Variants in CEP85L observed in about 807,000 individuals in gnomAD.
CEP85L encodes the protein centrosomal protein 85L.
CEP85L carries 60 observed loss-of-function variants against 100.3 expected under a neutral mutation model. The ratio of observed to expected loss-of-function variants is 0.60; its 90% CI spans 0.49 to 0.74. The LOEUF (loss-of-function observed/expected upper bound fraction) is 0.74, where lower values mean the gene tolerates loss of function less well. Among genes scored for constraint, CEP85L ranks in the 30% least tolerant of loss-of-function variants. The pLI, the probability that CEP85L is intolerant of heterozygous loss-of-function variation, is 0.00. For synonymous variants in CEP85L, 319 were observed against 322.7 expected (o/e 0.99, Z 0.12); for missense variants, 973 against 936.2 (o/e 1.04, Z -0.51).
At chr6:118,606,214 CCTTT>C (rs1159048901) in intron 2 of CEP85L, among the ~76,000 whole-genome samples, 2 of 152,114 alleles carry the variant, frequency 1.3e-5, no homozygotes, top group East Asian at 3.8e-4. Flanking sequence ...AAAAACAAAT[CCTTT>C]CAGATCTCTT....
chr6:118,617,457 G>T (rs550099978), intron 2 of CEP85L, among the ~76,000 whole-genome samples: 1 of 152,302 alleles, frequency 6.6e-6, no homozygotes, highest in African/African-American at 2.4e-5. Flanking sequence ...CTGTGCAGCT[G>T]CAAGGCCATA....
intron 6 of CEP85L, among the ~76,000 whole-genome samples, chr6:118,490,396 AG>A (rs1774479344): frequency 6.6e-6 from 1 of 152,232 alleles, no homozygotes; most frequent in African/African-American, 2.4e-5. Context: ...TTTTAACCAA[AG>A]AAGTAAAATG....
chr6:118,542,303 A>G (rs1777939055), intron 3 of CEP85L, among the ~76,000 whole-genome samples: 1 of 152,182 alleles, frequency 6.6e-6, no homozygotes, highest in African/African-American at 2.4e-5. Context: ...AGAGTTTTTA[A>G]AAGCTTAACA....
At chr6:118,624,766 T>TG (rs1471089827) in intron 2 of CEP85L, among the ~76,000 whole-genome samples, 3 of 152,206 alleles carry the variant, frequency 2.0e-5, no homozygotes, top group African/African-American at 7.2e-5. Flanking sequence ...TACACCCATG[T>TG]GGGTATAACT....
At chr6:118,635,728 T>C (rs565433422) in intron 1 of CEP85L, among the ~76,000 whole-genome samples, 3 of 152,314 alleles carry the variant, frequency 2.0e-5, no homozygotes, top group African/African-American at 7.2e-5. Context: ...TATAAAGTCA[T>C]GCTCCATTAA....
upstream of CEP85L, chr6:118,651,781 C>G: frequency 1.0e-6 from 1 of 986,178 alleles, no homozygotes. Flanking sequence ...CCCGCCCTCC[C>G]GCCGCATCCC....
intron 1 of CEP85L, among the ~76,000 whole-genome samples, chr6:118,664,721 T>G (rs1186118443): frequency 6.6e-6 from 1 of 152,172 alleles, no homozygotes; most frequent in Non-Finnish European, 1.5e-5. Context: ...CATAGCAACA[T>G]AATTATGAGT....
intron 2 of CEP85L, among the ~76,000 whole-genome samples, chr6:118,598,676 C>T (rs1037355760): frequency 6.6e-6 from 1 of 152,166 alleles, no homozygotes; most frequent in Non-Finnish European, 1.5e-5. Flanking sequence ...TCAGAGGGAG[C>T]ATGGCCCTGC....
At chr6:118,465,955 C>T (rs1314843922) in intron 12 of CEP85L, among the ~76,000 whole-genome samples, 10 of 151,884 alleles carry the variant, frequency 6.6e-5, no homozygotes, top group Non-Finnish European at 1.0e-4. Flanking sequence ...TACATATTTA[C>T]GACTGCAAAG....
At chr6:118,480,807 T>C (rs773918594) in intron 8 of CEP85L, among the ~76,000 whole-genome samples, 4 of 152,080 alleles carry the variant, frequency 2.6e-5, no homozygotes, top group Non-Finnish European at 1.5e-5. Context: ...ATTACCCAAA[T>C]CTGAGCTCTG....
Position 118,612,259 on chromosome 6 carries a change from T to TA in CEP85L, c.232+20193dup, listed in dbSNP as rs370129041. ...AGCAAAGAGGAAGTCATAAGGCAAA[T>TA]AAAAAAAAAAACCACACTGAACTAA... On this transcript the variant is annotated intron_variant, in intron 2 of 12. Transcript: ENST00000368491. Among the ~76,000 whole-genome samples the TA allele has an allele frequency of 6.3e-3, 880 of 140,462 alleles. 8 individuals are homozygous for TA. The highest frequency in any genetic ancestry group is 0.018 in the African/African-American group (685 of 38,478). The allele number at this position is 140,462 out of a possible 152,430, so 92.1% of individuals were successfully genotyped here. A position where few individuals can be genotyped will look rare whatever the true frequency, so the allele number is the denominator to read the frequency against.
chr6:118,661,878 G>A (rs539186017), intron 1 of CEP85L, among the ~76,000 whole-genome samples: 1 of 152,188 alleles, frequency 6.6e-6, no homozygotes, highest in Admixed American at 6.5e-5. Context: ...AACCAATGAC[G>A]TTGTATCACG....
At chr6:118,641,857 G>A (rs1365112771) in intron 1 of CEP85L, among the ~76,000 whole-genome samples, 1 of 151,838 alleles carries the variant, frequency 6.6e-6, no homozygotes, top group African/African-American at 2.4e-5. Flanking sequence ...AATTAGATCT[G>A]ACAGTAATAT....
chr6:118,555,546 A>C (rs537650788), intron 3 of CEP85L, among the ~76,000 whole-genome samples: 1 of 152,360 alleles, frequency 6.6e-6, no homozygotes, highest in Admixed American at 6.5e-5. Flanking sequence ...AGCAACTTAA[A>C]GGATGAATCT....
chr6:118,529,243 CA>C (rs1226859041), intron 3 of CEP85L, among the ~76,000 whole-genome samples: 1 of 152,112 alleles, frequency 6.6e-6, no homozygotes, highest in Non-Finnish European at 1.5e-5. Flanking sequence ...ATTTATAAGA[CA>C]AAATTATCTT....
chr6:118,653,747 G>A (rs924051921), upstream of CEP85L, among the ~76,000 whole-genome samples: 32 of 126,882 alleles, frequency 2.5e-4, no homozygotes, highest in African/African-American at 8.2e-4. Flanking sequence ...GTGACTCTGT[G>A]TATGTGTGTG....
chr6:118,613,988 T>A (rs777395338), intron 2 of CEP85L, among the ~76,000 whole-genome samples: 9 of 152,044 alleles, frequency 5.9e-5, no homozygotes, highest in Non-Finnish European at 7.4e-5. Context: ...CTTAACAAAC[T>A]ATAAACAAAA....
rs1235375919 is a variant in CEP85L at position 118,461,065 on chromosome 6, A to T, written c.*4340T>A. The T allele has an allele frequency of 6.6e-6, 1 of 151,612 alleles. No individual in the cohort carries two copies. Among genetic ancestry groups the T allele is most frequent in the Non-Finnish European group, 1.5e-5 (1 of 67,882 alleles). The allele number at this position is 151,612 out of a possible 1,614,324, so 9.4% of individuals were successfully genotyped here. On this transcript the variant is annotated 3_prime_UTR_variant, in exon 13 of 13. Transcript: ENST00000368491. ...ATAACTGTATTTCAATTAAGTCATGAACACTGTATTTACACATGAGGTATT... is the reference window on the plus strand; with the variant it reads ...ATAACTGTATTTCAATTAAGTCATGTACACTGTATTTACACATGAGGTATT...
At chr6:118,689,973 G>T (rs541558327) in intron 1 of CEP85L, among the ~76,000 whole-genome samples, 1 of 149,134 alleles carries the variant, frequency 6.7e-6, no homozygotes, top group African/African-American at 2.5e-5. Context: ...AGGCTGGTCT[G>T]GAACTCCTGG....
Sources: allele counts gnomAD v4.1 joint callset (sites outside exome capture counted in the v4.1 genomes callset), GRCh38; gene constraint gnomAD v4.1.1; transcripts MANE v1.5; gene names NCBI Gene and HGNC (gene_info 2026-07-23, HGNC 2026-07-21).